CSMD1: variants seen among roughly 807,000 people sequenced by gnomAD.
CSMD1 encodes the protein CUB and Sushi multiple domains 1, also known as CUB and sushi domain-containing protein 1.
Under a neutral mutation model 417.5 loss-of-function variants are expected in CSMD1, and 213 were observed. That is an observed-to-expected ratio of 0.51 (90% CI 0.46 to 0.57). CSMD1 has a LOEUF of 0.57. Among genes scored for constraint, CSMD1 ranks in the 20% least tolerant of loss-of-function variants. The probability of loss-of-function intolerance (pLI) is 0.00; values close to 1 mark genes in which losing one functional copy is unlikely to be tolerated. For synonymous variants in CSMD1, 2,862 were observed against 1,736.8 expected, an observed-to-expected ratio of 1.65 and a Z score of -16.11; for missense variants, 6,923 against 4,529.7, an observed-to-expected ratio of 1.53 and a Z score of -15.17.
At chr8:4,940,729 T>A (rs1220660506) in intron 1 of CSMD1, among the ~76,000 whole-genome samples, 1 of 152,116 alleles carries the variant, frequency 6.6e-6, no homozygotes, top group African/African-American at 2.4e-5. Context: ...TGCTCACAAA[T>A]CTCCAGGGTA....
At chr8:4,531,156 G>A (rs1184623967) in intron 2 of CSMD1, among the ~76,000 whole-genome samples, 1 of 152,138 alleles carries the variant, frequency 6.6e-6, no homozygotes, top group Non-Finnish European at 1.5e-5. Flanking sequence ...GACATTTTTT[G>A]TAGGATCTGT....
chr8:3,410,537 T>A (rs1812622478), intron 12 of CSMD1, among the ~76,000 whole-genome samples: 1 of 152,274 alleles, frequency 6.6e-6, no homozygotes, highest in South Asian at 2.1e-4. Flanking sequence ...CTGCACAAGC[T>A]TTCTCTTTGC....
rs1048127816 is a variant in CSMD1, at chr8:3,162,033, T to C, written c.5844+126A>G. Reference sequence around the variant, plus strand: ...AAGATGACCAACATGCATGATTTAATATGAATAGTATGATTCACAAACTGA... The same window carrying C: ...AAGATGACCAACATGCATGATTTAACATGAATAGTATGATTCACAAACTGA... On this transcript the variant is annotated intron_variant, in intron 38 of 69. Transcript: ENST00000635120. 1.3e-5 allele frequency: 8 copies of C among 628,242 alleles called. No individual in the cohort carries two copies. The East Asian group carries it at 1.9e-4, about 15-fold the overall frequency. 38.9% of individuals were successfully genotyped at this position (628,242 alleles called of 1,614,324 possible). A position where few individuals can be genotyped will look rare whatever the true frequency, so the allele number is the denominator to read the frequency against.
At chr8:4,053,880 T>A (rs890852100) in intron 3 of CSMD1, among the ~76,000 whole-genome samples, 17 of 152,214 alleles carry the variant, frequency 1.1e-4, no homozygotes, top group Non-Finnish European at 1.9e-4. Flanking sequence ...TGAAATTAGT[T>A]GCTATAATTA....
intron 1 of CSMD1, among the ~76,000 whole-genome samples, chr8:4,967,570 T>C (rs1358456887): frequency 6.6e-6 from 1 of 152,172 alleles, no homozygotes; most frequent in Non-Finnish European, 1.5e-5. Flanking sequence ...TGGAAATTCT[T>C]ATTAACTATT....
At position 4,141,028 on chromosome 8, in the gene CSMD1, T is replaced by C. The variant is rs559953104; in HGVS notation, c.416-108929A>G. Among the ~76,000 whole-genome samples, 53 of 151,290 alleles carry C rather than the reference T, an allele frequency of 3.5e-4. 1 individual carries two copies. Among genetic ancestry groups the C allele is most frequent in the African/African-American group, 9.1e-4 (37 of 40,592 alleles). ...AGACAGGTAATATTCCTTACAAACA[T>C]TGCCGTTTCATCTATTTAGTTCTAA... On this transcript the variant is annotated intron_variant, in intron 3 of 69. Transcript: ENST00000635120.
At chr8:3,424,717 C>G (rs1372304437) in intron 12 of CSMD1, among the ~76,000 whole-genome samples, 2 of 152,172 alleles carry the variant, frequency 1.3e-5, no homozygotes, top group Non-Finnish European at 2.9e-5. Context: ...AAGGAATTGT[C>G]CTTCTTGATT....
chr8:3,660,059 C>T (rs1798331408), intron 7 of CSMD1, among the ~76,000 whole-genome samples: 1 of 152,194 alleles, frequency 6.6e-6, no homozygotes, highest in Non-Finnish European at 1.5e-5. Context: ...CAGCAACACG[C>T]TATGAAGTAT....
At chr8:4,058,368 T>A (rs1468060890) in intron 3 of CSMD1, among the ~76,000 whole-genome samples, 3 of 152,140 alleles carry the variant, frequency 2.0e-5, no homozygotes, top group African/African-American at 7.2e-5. Flanking sequence ...TGCTTGTGAT[T>A]TTTGTCCATT....
At chr8:3,551,596 ATTTTT>A (rs1194152215) in intron 10 of CSMD1, among the ~76,000 whole-genome samples, 38 of 113,430 alleles carry the variant, frequency 3.4e-4, no homozygotes, top group African/African-American at 1.2e-3. Flanking sequence ...ATATATATAT[ATTTTT>A]TTTTTTTTTT....
chr8:2,948,071 CAAAG>C (rs1802373638), intron 68 of CSMD1, among the ~76,000 whole-genome samples: 1 of 151,914 alleles, frequency 6.6e-6, no homozygotes, highest in Admixed American at 6.6e-5. Context: ...GCTCTGGTAT[CAAAG>C]CCTATATGGT....
chr8:3,012,456 C>T (rs1159461296), intron 52 of CSMD1, among the ~76,000 whole-genome samples: 1 of 152,164 alleles, frequency 6.6e-6, no homozygotes, highest in Non-Finnish European at 1.5e-5. Context: ...AAACAACTAG[C>T]ATGCCAGCAG....
chr8:3,814,642 G>C (rs943982893), intron 5 of CSMD1, among the ~76,000 whole-genome samples: 1 of 152,128 alleles, frequency 6.6e-6, no homozygotes, highest in East Asian at 1.9e-4. Context: ...CAAACAAAGA[G>C]CTATCCAACC....
chr8:4,742,087 G>C lies in CSMD1; in HGVS notation c.86-104529C>G, dbSNP rs578094520. On this transcript the variant is annotated intron_variant, in intron 1 of 69. Coordinates refer to ENST00000635120, the MANE Select transcript of CSMD1 (RefSeq NM_033225.6). Reference sequence around the variant, plus strand: ...TCTCTGTCGCCCAGGCTGGAGTGCAGTGGCGCAATCTCGGCTCACTGCAAG... The same window carrying C: ...TCTCTGTCGCCCAGGCTGGAGTGCACTGGCGCAATCTCGGCTCACTGCAAG... Among the ~76,000 whole-genome samples, 189 of 128,158 alleles carry C rather than the reference G, an allele frequency of 1.5e-3. 5 individuals are homozygous for C. In the South Asian group the frequency reaches 0.041, roughly 28 times the overall value. 84.1% of individuals were successfully genotyped at this position (128,158 alleles called of 152,430 possible).
intron 7 of CSMD1, among the ~76,000 whole-genome samples, chr8:3,649,765 T>A (rs138183552): frequency 1.3e-5 from 2 of 152,250 alleles, no homozygotes; most frequent in Admixed American, 1.3e-4. Flanking sequence ...ACATCATCCA[T>A]AATATTAAAA....
chr8:3,389,655 A>G (rs1811226996), intron 17 of CSMD1, among the ~76,000 whole-genome samples: 1 of 68,244 alleles, frequency 1.5e-5, no homozygotes, highest in Non-Finnish European at 2.9e-5. Context: ...ATAAGTGAGG[A>G]TTATATATTA....
chr8:4,198,325 G>A (rs1166626868), intron 3 of CSMD1, among the ~76,000 whole-genome samples: 1 of 152,238 alleles, frequency 6.6e-6, no homozygotes, highest in South Asian at 2.1e-4. Flanking sequence ...CCCGACAAGA[G>A]TACGTCATGG....
At chr8:4,653,657 G>C (rs1354592252) in intron 1 of CSMD1, among the ~76,000 whole-genome samples, 1 of 152,048 alleles carries the variant, frequency 6.6e-6, no homozygotes, top group African/African-American at 2.4e-5. Flanking sequence ...ATCTCATTGT[G>C]ATCCCCAGGA....
chr8:3,161,845 G>C (rs1366196175), intron 38 of CSMD1, among the ~76,000 whole-genome samples: 1 of 152,138 alleles, frequency 6.6e-6, no homozygotes, highest in African/African-American at 2.4e-5. Context: ...CTGGCTGCCA[G>C]GAGAGGACTT....
Sources: allele counts gnomAD v4.1 joint callset (sites outside exome capture counted in the v4.1 genomes callset), GRCh38; gene constraint gnomAD v4.1.1; transcripts MANE v1.5; gene names NCBI Gene and HGNC (gene_info 2026-07-23, HGNC 2026-07-21).